The following MAP3K14 variants were observed in gnomAD, a reference collection of about 807,000 sequenced individuals.
The protein encoded by MAP3K14 is mitogen-activated protein kinase kinase kinase 14.
A neutral mutation model predicts 99.2 loss-of-function variants in MAP3K14; 16 were observed. That is an observed-to-expected ratio of 0.16 (90% CI 0.11 to 0.24). MAP3K14 has a LOEUF of 0.24. Among genes scored for constraint, MAP3K14 ranks in the 10% least tolerant of loss-of-function variants. The pLI, the probability that MAP3K14 is intolerant of heterozygous loss-of-function variation, is 1.00. For synonymous variants in MAP3K14, 462 were observed against 492.4 expected, an observed-to-expected ratio of 0.94 and a Z score of 0.82; for missense variants, 784 against 1,208.7, an observed-to-expected ratio of 0.65 and a Z score of 5.21.
intron 1 of MAP3K14, among the ~76,000 whole-genome samples, chr17:45,311,936 C>A (rs914949276): frequency 6.6e-6 from 1 of 152,188 alleles, no homozygotes; most frequent in African/African-American, 2.4e-5. Context: ...AGTGACACTG[C>A]TGATCTGGGC....
intron 11 of MAP3K14, among the ~76,000 whole-genome samples, chr17:45,268,784 C>T (rs958327243): frequency 5.3e-5 from 8 of 152,110 alleles, no homozygotes; most frequent in African/African-American, 1.2e-4. Flanking sequence ...CTGTAGTGCG[C>T]GTCCTCAGGC....
chr17:45,311,011 TAA>T (rs906294621), intron 1 of MAP3K14, among the ~76,000 whole-genome samples: 1 of 148,838 alleles, frequency 6.7e-6, no homozygotes, highest in African/African-American at 2.5e-5. Context: ...GAAGCTAGTT[TAA>T]AAAAAAAAAT....
chr17:45,311,901 C>G (rs1400794822), intron 1 of MAP3K14, among the ~76,000 whole-genome samples: 1 of 152,216 alleles, frequency 6.6e-6, no homozygotes, highest in Non-Finnish European at 1.5e-5. Flanking sequence ...ATTTTCCACC[C>G]TCAGGGTGGC....
intron 1 of MAP3K14, among the ~76,000 whole-genome samples, chr17:45,310,228 G>A (rs1029710784): frequency 6.6e-6 from 1 of 151,874 alleles, no homozygotes; most frequent in Non-Finnish European, 1.5e-5. Flanking sequence ...TAGAGATGGG[G>A]TTTCACCATG....
At chr17:45,273,714 C>A (rs750523103) in intron 8 of MAP3K14, 107 bp from the exon 9 acceptor site, 1 of 804,284 alleles carries the variant, frequency 1.2e-6, no homozygotes, top group African/African-American at 1.7e-5. Flanking sequence ...TTCTGGCTGA[C>A]CCTACGTGGC....
chr17:45,302,579 A>G (rs544795489), intron 1 of MAP3K14, among the ~76,000 whole-genome samples: 18 of 152,330 alleles, frequency 1.2e-4, no homozygotes, highest in African/African-American at 2.9e-4. Flanking sequence ...AAGTGCTGCG[A>G]TTACAGGCAT....
rs1444856614 is a variant in MAP3K14, at chr17:45,263,932, G to T, written c.*704C>A. Reference sequence around the variant, plus strand: ...GAAGAGTGGTAGCCAGCAGCAAAGGGGCACATGTCTGGGGACTGAGAACCA... The same window carrying T: ...GAAGAGTGGTAGCCAGCAGCAAAGGTGCACATGTCTGGGGACTGAGAACCA... On this transcript the variant is annotated 3_prime_UTR_variant, in exon 16 of 16. Coordinates refer to ENST00000344686, the MANE Select transcript of MAP3K14 (RefSeq NM_003954.5). 1 of 152,386 alleles carries T rather than the reference G, an allele frequency of 6.6e-6. No homozygotes were observed. The highest frequency in any genetic ancestry group is 1.5e-5 in the Non-Finnish European group (1 of 68,170). The allele number at this position is 152,386 out of a possible 1,614,324, so 9.4% of individuals were successfully genotyped here.
intron 4 of MAP3K14, 50 bp from the exon 5 acceptor site, chr17:45,287,095 A>G (rs2044273035): frequency 4.4e-6 from 7 of 1,601,968 alleles, no homozygotes; most frequent in Non-Finnish European, 6.0e-6. Context: ...GCCCAGGGAC[A>G]GGCTCCAATT....
At chr17:45,276,409 G>A (rs545077559) in intron 6 of MAP3K14, among the ~76,000 whole-genome samples, 169 of 152,320 alleles carry the variant, frequency 1.1e-3, no homozygotes, top group Middle Eastern at 3.4e-3. Flanking sequence ...GGATTTGGAA[G>A]GATGGTAACT....
intron 6 of MAP3K14, chr17:45,281,790 C>G (rs1482743738): frequency 1.3e-5 from 2 of 151,524 alleles, no homozygotes; most frequent in Non-Finnish European, 2.9e-5. Flanking sequence ...ATTACAGGCA[C>G]CTGCCACCAC....
intron 9 of MAP3K14, among the ~76,000 whole-genome samples, chr17:45,271,959 T>C (rs367557538): frequency 2.6e-5 from 4 of 152,234 alleles, no homozygotes; most frequent in South Asian, 2.1e-4. Flanking sequence ...AGATGGCAGA[T>C]GTGAACAGTG....
chr17:45,274,149 C>T lies in MAP3K14; in HGVS notation c.1526G>A (p.Arg509Gln), dbSNP rs780816595. The stretch of plus-strand genomic sequence containing the variant: ...TTTGACGTCCCCATGCAGAATCCTT[C>T]GTGAGTGGAGGTATTCCAGACCCTC... The part of the protein sequence containing the change: ...ALEGLEYLHS[R>Q]RILHGDVKAD... The change falls in exon 8 of 16, where the codon CGA (arginine) becomes CAA (glutamine). Residue 509 changes from arginine (R) to glutamine (Q), a missense_variant. Arg to Gln is a conservative substitution (Grantham distance 43). This residue lies in a region of MAP3K14 where 200 missense variants were observed against 367.9 expected (regional missense o/e 0.54). Coordinates refer to ENST00000344686, the MANE Select transcript of MAP3K14 (RefSeq NM_003954.5). The T allele has an allele frequency of 1.7e-5, 28 of 1,607,974 alleles. No individual in the cohort carries two copies. The highest frequency in any genetic ancestry group is 6.7e-5 in the East Asian group (3 of 44,688).
At chr17:45,287,417 G>C in intron 3 of MAP3K14, 53 bp from the exon 4 acceptor site, 1 of 1,478,944 alleles carries the variant, frequency 6.8e-7, no homozygotes, top group Non-Finnish European at 9.4e-7. Flanking sequence ...CAGGAAGATG[G>C]ACTGGTCCAG....
intron 8 of MAP3K14, 176 bp downstream of exon 8, chr17:45,273,947 G>A: frequency 1.3e-6 from 1 of 784,630 alleles, no homozygotes; most frequent in Non-Finnish European, 2.0e-6. Context: ...AAACTACAGT[G>A]CTTGGCTAAG....
At chr17:45,303,681 A>C (rs1266040547) in intron 1 of MAP3K14, among the ~76,000 whole-genome samples, 2 of 152,096 alleles carry the variant, frequency 1.3e-5, no homozygotes, top group African/African-American at 4.8e-5. Flanking sequence ...AAAACACTTA[A>C]GTTTCATGTA....
In MAP3K14 at chr17:45,287,042, C is replaced by G. The variant is rs1301923677; in HGVS notation, c.541G>C (p.Asp181His). The change falls in exon 5 of 16, where the codon GAT becomes CAT. Residue 181 changes from aspartate to histidine, a missense_variant. By Grantham distance (81) the Asp-to-His change is moderately conservative. This residue lies in a region of MAP3K14 where 188 missense variants were observed against 313.0 expected (regional missense o/e 0.60). Transcript: ENST00000344686. ...QESCTIPVQE[D>H]ESPLGAPYVR... Reference sequence around the variant, plus strand: ...TATGGGGCGCCGAGTGGAGACTCATCCTCCTGCGGGGGGAAACACAGCTAT... The same window carrying G: ...TATGGGGCGCCGAGTGGAGACTCATGCTCCTGCGGGGGGAAACACAGCTAT... The G allele has an allele frequency of 1.9e-6, 3 of 1,610,474 alleles. No homozygotes were observed. In the Admixed American group the frequency reaches 5.0e-5, roughly 27 times the overall value.
chr17:45,310,974 T>C (rs2044472713), intron 1 of MAP3K14, among the ~76,000 whole-genome samples: 1 of 151,962 alleles, frequency 6.6e-6, no homozygotes, highest in Non-Finnish European at 1.5e-5. Context: ...CTGAGAGTGA[T>C]AGGGTTGTGG....
At chr17:45,316,825 C>G (rs1319147310) in intron 1 of MAP3K14, 135 bp downstream of exon 1, 1 of 151,916 alleles carries the variant, frequency 6.6e-6, no homozygotes, top group African/African-American at 2.4e-5. Flanking sequence ...TCGGACTGCG[C>G]TGGCCTGGCC....
At chr17:45,289,409 C>T (rs1486535731) in intron 2 of MAP3K14, 104 bp from the exon 3 acceptor site, 2 of 876,082 alleles carry the variant, frequency 2.3e-6, no homozygotes, top group African/African-American at 3.3e-5. Flanking sequence ...TCTCCTTCCC[C>T]TCCTTTCCAG....
Sources: allele counts gnomAD v4.1 joint callset (sites outside exome capture counted in the v4.1 genomes callset), GRCh38; gene constraint gnomAD v4.1.1; regional missense constraint gnomAD v4.1.1; transcripts MANE v1.5; gene names NCBI Gene and HGNC (gene_info 2026-07-23, HGNC 2026-07-21).